ZNF547: variants seen among roughly 807,000 people sequenced by gnomAD.
ZNF547 encodes zinc finger protein 547.
A neutral mutation model predicts 7.7 loss-of-function variants in ZNF547; 4 were observed. The ratio of observed to expected loss-of-function variants is 0.52; its 90% CI spans 0.26 to 1.20. The LOEUF (loss-of-function observed/expected upper bound fraction) is 1.20. ZNF547 is among the 50% of genes most tolerant of loss of function. The pLI is 0.14. For synonymous variants in ZNF547, 166 were observed against 166.2 expected (o/e 1.00, Z 0.01); for missense variants, 449 against 485.8 (o/e 0.92, Z 0.71).
rs2088550498 is a variant in ZNF547, at chr19:57,378,089, G to C, written c.1113G>C (p.Gln371His). The stretch of plus-strand genomic sequence containing the variant: ...CAAAGTCCCACCTCATTTGTCATCA[G>C]ACAGTTCACACTGCAGCAAAGCAGT... ...FLTKSHLICH[Q>H]TVHTAAKQCS... The change falls in exon 4 of 4, where the codon CAG becomes CAC. Residue 371 changes from glutamine to histidine, a missense_variant. Gln to His is a conservative substitution (Grantham distance 24). Coordinates refer to ENST00000282282, the MANE Select transcript of ZNF547 (RefSeq NM_173631.4). The C allele has an allele frequency of 6.2e-7, 1 of 1,613,852 alleles. No homozygotes were observed. The highest frequency in any genetic ancestry group is 8.5e-7 in the Non-Finnish European group (1 of 1,179,996).
rs774857788 is a variant in ZNF547, at chr19:57,377,999, A to G, written c.1023A>G (p.Gln341=). ...TCAGCTTGAAATCCGTCCTCATTCA[A>G]CACCAAAGAGTTCACACTGGAGAAC... The part of the protein sequence containing the change: ...KFFSLKSVLI[Q]HQRVHTGERP... The change falls in exon 4 of 4, where the codon CAA becomes CAG. Residue 341 remains glutamine, a synonymous_variant. Coordinates refer to ENST00000282282, the MANE Select transcript of ZNF547 (RefSeq NM_173631.4). The G allele has an allele frequency of 1.2e-6, 2 of 1,614,118 alleles. No individual in the cohort carries two copies. Among genetic ancestry groups the G allele is most frequent in the Middle Eastern group, 1.6e-4 (1 of 6,062 alleles).
At chr19:57,375,559 G>T (rs759412229) in intron 3 of ZNF547, among the ~76,000 whole-genome samples, 18 of 151,406 alleles carry the variant, frequency 1.2e-4, no homozygotes, top group Admixed American at 5.9e-4. Context: ...CTACTTGGGA[G>T]GCTGAGGCAG....
At chr19:57,364,467 G>GATGAAAAAA in intron 1 of ZNF547, 1 of 259,638 alleles carries the variant, frequency 3.9e-6, no homozygotes. Context: ...GGGTGGCCGG[G>GATGAAAAAA]CGTGGTGGCT....
In ZNF547 at chr19:57,377,698, A is replaced by C. The variant is rs749098180; in HGVS notation, c.722A>C (p.Glu241Ala). 6.2e-7 allele frequency: 1 copy of C among 1,612,480 alleles called. No individual in the cohort carries two copies. The highest frequency in any genetic ancestry group is 1.7e-5 in the Admixed American group (1 of 59,968). Residue 241 changes from glutamate (E) to alanine (A), a missense_variant, in exon 4 of 4, where the codon GAG becomes GCG. Coordinates refer to ENST00000282282, the MANE Select transcript of ZNF547 (RefSeq NM_173631.4). ...ATCCACTCTGGAGAAAGGCCTTATG[A>C]GTGCAGTGAATGTGGGAAATTGTTT... Reference protein sequence around the residue: ...QTIHSGERPYECSECGKLFMW... With the variant: ...QTIHSGERPYACSECGKLFMW...
chr19:57,375,888 T>G (rs2088533077), intron 3 of ZNF547, among the ~76,000 whole-genome samples: 1 of 151,402 alleles, frequency 6.6e-6, no homozygotes, highest in East Asian at 2.0e-4. Context: ...ATTGGCCGGG[T>G]GCAGTGGCTC....
chr19:57,370,893 A>AG (rs2088500394), intron 2 of ZNF547: 1 of 151,990 alleles, frequency 6.6e-6, no homozygotes, highest in Admixed American at 6.5e-5. Flanking sequence ...AAGGAGGTGT[A>AG]GGGGAGAGGG....
At position 57,379,355 on chromosome 19, in the gene ZNF547, C is replaced by A. The variant is rs1253916949; in HGVS notation, c.*1170C>A. 1 of 152,228 alleles carries A rather than the reference C, an allele frequency of 6.6e-6. No individual in the cohort carries two copies. The highest frequency in any genetic ancestry group is 6.5e-5 in the Admixed American group (1 of 15,282). 9.4% of individuals were successfully genotyped at this position (152,228 alleles called of 1,614,324 possible). A position where few individuals can be genotyped will look rare whatever the true frequency, so the allele number is the denominator to read the frequency against. ...AGAAGGCAACATTTCTAACAGGTTT[C>A]TAGGTGATTTTGTTGTTGCTGATGT... On this transcript the variant is annotated 3_prime_UTR_variant, in exon 4 of 4. Transcript: ENST00000282282.
intron 2 of ZNF547, among the ~76,000 whole-genome samples, chr19:57,369,229 G>A (rs988266513): frequency 6.6e-6 from 1 of 152,184 alleles, no homozygotes; most frequent in African/African-American, 2.4e-5. Context: ...GGTGGCTTCA[G>A]GATGTGTTTT....
chr19:57,364,736 G>A (rs2088450771), intron 1 of ZNF547: 24 of 1,013,660 alleles, frequency 2.4e-5, no homozygotes, highest in Non-Finnish European at 3.2e-5. Context: ...GCGAGATTCC[G>A]TGTCAAAAAA....
At chr19:57,372,196 A>G (rs1354465681) in intron 3 of ZNF547, among the ~76,000 whole-genome samples, 1 of 151,964 alleles carries the variant, frequency 6.6e-6, no homozygotes, top group African/African-American at 2.4e-5. Flanking sequence ...AATGCATGAG[A>G]CCTCTGTGCT....
intron 1 of ZNF547, 66 bp from the exon 2 acceptor site, chr19:57,368,478 G>C (rs2088484422): frequency 6.8e-7 from 1 of 1,473,610 alleles, no homozygotes; most frequent in Non-Finnish European, 9.5e-7. Context: ...AAGAGATGGT[G>C]GTCCAACTCT....
In ZNF547 at chr19:57,379,014, A is replaced by T. The variant is rs2088557804; in HGVS notation, c.*829A>T. On this transcript the variant is annotated 3_prime_UTR_variant, in exon 4 of 4. Coordinates refer to ENST00000282282, the MANE Select transcript of ZNF547 (RefSeq NM_173631.4). ...CATTCATTTTTTAGCATGTGTCAGA[A>T]ATTTTAAGGCTGAGCAATATTTCAT... 1 of 182,438 alleles carries T rather than the reference A, an allele frequency of 5.5e-6. No homozygotes were observed. The highest frequency in any genetic ancestry group is 2.4e-5 in the African/African-American group (1 of 41,666). 11.3% of individuals were successfully genotyped at this position (182,438 alleles called of 1,614,324 possible).
intron 1 of ZNF547, chr19:57,365,160 T>C (rs1426374917): frequency 6.3e-7 from 1 of 1,595,932 alleles, no homozygotes; most frequent in Non-Finnish European, 8.5e-7. Flanking sequence ...ATATAAAATT[T>C]TCAATGAATC....
At chr19:57,368,423 G>A (rs1037918300) in intron 1 of ZNF547, 121 bp from the exon 2 acceptor site, 3 of 874,102 alleles carry the variant, frequency 3.4e-6, no homozygotes, top group Non-Finnish European at 5.6e-6. Flanking sequence ...GAGGAGCTGA[G>A]TTTATACAAT....
At chr19:57,364,988 A>G (rs754866724) in intron 1 of ZNF547, 2 of 1,613,058 alleles carry the variant, frequency 1.2e-6, no homozygotes, top group Non-Finnish European at 1.7e-6. Context: ...GTAGATGAGA[A>G]CATGTGGCTG....
At chr19:57,365,862 CTT>C (rs111817651) in intron 1 of ZNF547, among the ~76,000 whole-genome samples, 6,361 of 139,274 alleles carry the variant, frequency 0.046, 443 homozygotes, top group African/African-American at 0.16. Context: ...TTCTTTCTTT[CTT>C]TTTTTTTTTT....
At chr19:57,370,458 G>T (rs1383337707) in intron 2 of ZNF547, among the ~76,000 whole-genome samples, 2 of 152,232 alleles carry the variant, frequency 1.3e-5, no homozygotes, top group East Asian at 3.9e-4. Flanking sequence ...CCTGGTTTCT[G>T]TGTGCAGAGT....
chr19:57,366,043 T>G (rs2088467034), intron 1 of ZNF547, among the ~76,000 whole-genome samples: 2 of 150,396 alleles, frequency 1.3e-5, no homozygotes, highest in African/African-American at 2.4e-5. Context: ...TTTTGTATTT[T>G]TAGTAAAGAC....
chr19:57,365,862 C>CT (rs111817651), intron 1 of ZNF547, among the ~76,000 whole-genome samples: 120 of 139,262 alleles, frequency 8.6e-4, no homozygotes, highest in South Asian at 1.6e-3. Flanking sequence ...TTCTTTCTTT[C>CT]TTTTTTTTTT....
Sources: gnomAD v4.1 joint callset for allele counts (sites outside exome capture counted in the v4.1 genomes callset) on GRCh38, gnomAD v4.1.1 for gene constraint, MANE v1.5 for transcripts, NCBI Gene and HGNC (gene_info 2026-07-23, HGNC 2026-07-21) for gene names.